The following NDC1 variants were observed in gnomAD, a reference collection of about 807,000 sequenced individuals.
The protein encoded by NDC1 is nucleoporin NDC1.
In NDC1, 24 loss-of-function variants were observed where a neutral mutation model predicts 89.8. That is an observed-to-expected ratio of 0.27 (90% CI 0.19 to 0.38). The LOEUF (loss-of-function observed/expected upper bound fraction) is 0.38. Among genes scored for constraint, NDC1 ranks in the 10% least tolerant of loss-of-function variants. NDC1 has a pLI of 1.00. For synonymous variants in NDC1, 296 were observed against 284.8 expected, an observed-to-expected ratio of 1.04 and a Z score of -0.39; for missense variants, 728 against 797.6, an observed-to-expected ratio of 0.91 and a Z score of 1.05.
intron 5 of NDC1, among the ~76,000 whole-genome samples, chr1:53,822,981 T>C (rs933410125): frequency 1.3e-5 from 2 of 152,084 alleles, no homozygotes; most frequent in African/African-American, 4.8e-5. Flanking sequence ...AAAATGCACA[T>C]GGAAAGGTGA....
chr1:53,822,874 A>T (rs2100684421), intron 5 of NDC1, among the ~76,000 whole-genome samples: 1 of 152,228 alleles, frequency 6.6e-6, no homozygotes, highest in South Asian at 2.1e-4. Flanking sequence ...ATCAATCATC[A>T]CATCGCGCTC....
chr1:53,809,662 G>T, intron 7 of NDC1, 33 bp downstream of exon 7: 1 of 1,414,736 alleles, frequency 7.1e-7, no homozygotes, highest in Non-Finnish European at 9.7e-7. Context: ...AATGGAAACA[G>T]AGTTAAAATT....
intron 5 of NDC1, among the ~76,000 whole-genome samples, chr1:53,820,159 G>A (rs555349198): frequency 3.2e-4 from 48 of 151,912 alleles, no homozygotes; most frequent in African/African-American, 1.1e-3. Context: ...GGAGGTTGAC[G>A]CAGGAGAATC....
chr1:53,802,882 T>C (rs1647968885), intron 10 of NDC1, among the ~76,000 whole-genome samples: 1 of 152,112 alleles, frequency 6.6e-6, no homozygotes, highest in Non-Finnish European at 1.5e-5. Context: ...TAATTTTTTT[T>C]TAAAAGGAGG....
At chr1:53,802,915 G>A (rs77337638) in intron 10 of NDC1, among the ~76,000 whole-genome samples, 2,813 of 152,106 alleles carry the variant, frequency 0.018, 87 homozygotes, top group African/African-American at 0.064. Flanking sequence ...GCAGAAGGAG[G>A]AGTCCTGTAC....
At chr1:53,832,452 T>G in intron 3 of NDC1, 38 bp downstream of exon 3, 2 of 1,053,834 alleles carry the variant, frequency 1.9e-6, no homozygotes, top group South Asian at 2.7e-5. Flanking sequence ...TTAAATAAAT[T>G]CGCATATTTC....
At chr1:53,828,237 C>A in intron 3 of NDC1, 64 bp from the exon 4 acceptor site, 1 of 1,439,726 alleles carries the variant, frequency 6.9e-7, no homozygotes, top group Non-Finnish European at 9.6e-7. Context: ...AGGATCTAAA[C>A]TATCCCCTCT....
rs956166833 is a variant in NDC1, at chr1:53,825,403, C to T, written c.594+395G>A. On this transcript the variant is annotated intron_variant, in intron 5 of 17. Transcript: ENST00000371429. ...CCAGGAGGCGGAGGTTGCAGTGAGCCGAGATTGCGCCATTGCACTCCAGCC... is the reference window on the plus strand; with the variant it reads ...CCAGGAGGCGGAGGTTGCAGTGAGCTGAGATTGCGCCATTGCACTCCAGCC... 4.1e-5 allele frequency among the ~76,000 whole-genome samples: 6 copies of T among 147,282 alleles called. No homozygotes were observed. In the South Asian group the frequency reaches 6.4e-4, roughly 16 times the overall value.
At chr1:53,781,151 T>C (rs954518036) in intron 16 of NDC1, among the ~76,000 whole-genome samples, 1 of 152,090 alleles carries the variant, frequency 6.6e-6, no homozygotes, top group Non-Finnish European at 1.5e-5. Context: ...CCAACGCACT[T>C]AGCCAAAAAA....
At chr1:53,803,469 T>C (rs1339655698) in intron 10 of NDC1, among the ~76,000 whole-genome samples, 7 of 152,228 alleles carry the variant, frequency 4.6e-5, no homozygotes, top group Non-Finnish European at 1.0e-4. Flanking sequence ...GGTAATAAAC[T>C]CTTAAGCTGT....
intron 6 of NDC1, among the ~76,000 whole-genome samples, chr1:53,810,500 A>C (rs537206135): frequency 7.2e-5 from 11 of 152,334 alleles, no homozygotes; most frequent in Non-Finnish European, 1.5e-4. Context: ...ATTGAACATA[A>C]ATGAAGTTAT....
intron 5 of NDC1, among the ~76,000 whole-genome samples, chr1:53,819,482 G>A (rs1003822520): frequency 6.6e-6 from 1 of 152,202 alleles, no homozygotes; most frequent in Admixed American, 6.5e-5. Context: ...CTGTAAGGGA[G>A]TTTTTACTAC....
At chr1:53,819,141 C>T (rs12089209) in intron 5 of NDC1, 62 bp from the exon 6 acceptor site, 153,243 of 777,186 alleles carry the variant, frequency 0.2, 17,936 homozygotes, top group African/African-American at 0.43. Flanking sequence ...CTCAACATCA[C>T]CTTAAAGCAA....
At chr1:53,808,358 A>G (rs1359203838) in intron 7 of NDC1, among the ~76,000 whole-genome samples, 1 of 152,198 alleles carries the variant, frequency 6.6e-6, no homozygotes, top group Non-Finnish European at 1.5e-5. Context: ...GCAATTATGA[A>G]AACCAGGATT....
intron 1 of NDC1, among the ~76,000 whole-genome samples, chr1:53,836,527 C>T (rs1239072115): frequency 6.6e-6 from 1 of 151,356 alleles, no homozygotes; most frequent in Non-Finnish European, 1.5e-5. Context: ...TGAGACAGCT[C>T]GCTCTGTCCC....
chr1:53,825,831 G>C lies in NDC1; in HGVS notation c.561C>G (p.Asn187Lys). 1 of 1,599,778 alleles carries C rather than the reference G, an allele frequency of 6.3e-7. No homozygotes were observed. Among genetic ancestry groups the C allele is most frequent in the Non-Finnish European group, 8.5e-7 (1 of 1,175,920 alleles). Residue 187 changes from asparagine to lysine, a missense_variant, in exon 5 of 18, where the codon AAC (asparagine) becomes AAG (lysine). Coordinates refer to ENST00000371429, the MANE Select transcript of NDC1 (RefSeq NM_018087.5). ...TGGGAAATGGAAGATAGTTCATGTT[G>C]TTAACAAAATACAGGAGGCTATAGC... is the stretch of plus-strand genomic sequence containing the variant. ...GYSYSLLYFV[N>K]NMNYLPFPII...
intron 10 of NDC1, among the ~76,000 whole-genome samples, chr1:53,801,863 TCTC>T (rs1161656910): frequency 5.3e-5 from 8 of 152,278 alleles, no homozygotes; most frequent in African/African-American, 1.7e-4. Flanking sequence ...TTCAAGCAAT[TCTC>T]CTGCCTCAGC....
At chr1:53,798,758 T>C (rs993577568) in intron 11 of NDC1, among the ~76,000 whole-genome samples, 1 of 152,014 alleles carries the variant, frequency 6.6e-6, no homozygotes, top group African/African-American at 2.4e-5. Flanking sequence ...TTTCGCCATA[T>C]TGGCCAGGCT....
chr1:53,800,832 A>G lies in NDC1; in HGVS notation c.1083T>C (p.Asn361=), dbSNP rs961855751. Residue 361 remains asparagine (N), a synonymous_variant, in exon 11 of 18, where the codon AAT becomes AAC. Transcript: ENST00000371429. ...AACACTCCCTTGAAATGGCTGTCCA[A>G]TTGTGGGGATGTCCACCTAGGAGGT... ...SLSQPGGHPH[N]WTAISRECLN... 5.6e-6 allele frequency: 9 copies of G among 1,600,042 alleles called. No individual in the cohort carries two copies. Among genetic ancestry groups the G allele is most frequent in the Middle Eastern group, 1.7e-4 (1 of 5,982 alleles).
Sources: gnomAD v4.1 joint callset for allele counts (sites outside exome capture counted in the v4.1 genomes callset) on GRCh38, gnomAD v4.1.1 for gene constraint, MANE v1.5 for transcripts, NCBI Gene and HGNC (gene_info 2026-07-23, HGNC 2026-07-21) for gene names.